Variants in SH3PXD2A observed in about 807,000 individuals in gnomAD.
SH3PXD2A encodes the protein SH3 and PX domain-containing protein 2A.
SH3PXD2A carries 32 observed loss-of-function variants against 115.2 expected under a neutral mutation model. The observed-to-expected ratio is 0.28, with a 90% CI of 0.21 to 0.37. The LOEUF (loss-of-function observed/expected upper bound fraction) is 0.37. SH3PXD2A is among the 10% of genes least tolerant of loss of function. SH3PXD2A has a pLI of 1.00. For missense variants in SH3PXD2A, 1,328 were observed against 1,498.7 expected (o/e 0.89, Z 1.88); for synonymous variants, 610 against 629.1 (o/e 0.97, Z 0.45).
chr10:103,760,711 G>A (rs1332673701), intron 3 of SH3PXD2A, among the ~76,000 whole-genome samples: 1 of 151,786 alleles, frequency 6.6e-6, no homozygotes, highest in African/African-American at 2.4e-5. Flanking sequence ...GAGAGCTGGA[G>A]TAAAAATATG....
chr10:103,650,044 G>A (rs187109856), intron 8 of SH3PXD2A, among the ~76,000 whole-genome samples: 2 of 152,366 alleles, frequency 1.3e-5, no homozygotes, highest in African/African-American at 4.8e-5. Context: ...CTGATCTTGT[G>A]GGGAGAGGAG....
At chr10:103,775,129 T>C (rs2038865617) in intron 2 of SH3PXD2A, among the ~76,000 whole-genome samples, 1 of 152,218 alleles carries the variant, frequency 6.6e-6, no homozygotes, top group South Asian at 2.1e-4. Context: ...ACATGGCTCA[T>C]GCCACGCTGA....
At chr10:103,832,286 T>C (rs1254300612) in intron 1 of SH3PXD2A, among the ~76,000 whole-genome samples, 3 of 151,810 alleles carry the variant, frequency 2.0e-5, no homozygotes, top group African/African-American at 4.8e-5. Flanking sequence ...TAAAAATCAT[T>C]GCACGTGTCT....
At chr10:103,662,043 T>C (rs2037314375) in intron 7 of SH3PXD2A, 1 of 718,724 alleles carries the variant, frequency 1.4e-6, no homozygotes, top group Non-Finnish European at 1.7e-6. Flanking sequence ...GAGGGCCCTC[T>C]GGCTGCAGAG....
intron 7 of SH3PXD2A, chr10:103,661,680 A>AGGAGAGAGCG (rs1475080276): frequency 2.0e-6 from 2 of 984,682 alleles, no homozygotes; most frequent in African/African-American, 3.5e-5. Context: ...GGAGAGGGAG[A>AGGAGAGAGCG]GGAGAGAGCG....
rs1460164121 is a variant in SH3PXD2A at position 103,605,734 on chromosome 10, G to A, written c.1428+64C>T. 30 of 1,606,732 alleles carry A rather than the reference G, an allele frequency of 1.9e-5. No homozygotes were observed. In the East Asian group the frequency reaches 2.7e-4, roughly 14 times the overall value. ...AATCTTACTAGCAAGGCCTAAAATG[G>A]GAAATGCAGTAGGTTTTCCACCACA... is the stretch of plus-strand genomic sequence containing the variant. On this transcript the variant is annotated intron_variant, in intron 14 of 14. Coordinates refer to ENST00000369774, the MANE Select transcript of SH3PXD2A (RefSeq NM_001394015.1).
intron 6 of SH3PXD2A, among the ~76,000 whole-genome samples, chr10:103,688,644 G>A (rs542912045): frequency 7.2e-5 from 11 of 152,288 alleles, no homozygotes; most frequent in Admixed American, 4.6e-4. Flanking sequence ...TGTTTGATGC[G>A]TTTAAGGAGC....
intron 5 of SH3PXD2A, among the ~76,000 whole-genome samples, chr10:103,718,469 A>G (rs1204193703): frequency 1.3e-5 from 2 of 149,230 alleles, no homozygotes; most frequent in African/African-American, 5.0e-5. Flanking sequence ...ACCCCTTATG[A>G]CTGCAGGGCA....
chr10:103,607,185 C>T (rs1212048551), intron 13 of SH3PXD2A, among the ~76,000 whole-genome samples: 5 of 150,448 alleles, frequency 3.3e-5, no homozygotes, highest in African/African-American at 9.8e-5. Flanking sequence ...TCCCCGGCCG[C>T]GACCCCGTCT....
At chr10:103,661,842 C>T (rs913478673) in intron 7 of SH3PXD2A, 3 of 985,244 alleles carry the variant, frequency 3.0e-6, no homozygotes, top group Non-Finnish European at 3.6e-6. Flanking sequence ...GGGGAGGAGG[C>T]CTAGACTGTT....
intron 6 of SH3PXD2A, chr10:103,678,159 A>G (rs1310643508): frequency 7.8e-7 from 1 of 1,289,100 alleles, no homozygotes; most frequent in Non-Finnish European, 1.0e-6. Flanking sequence ...TTCATGTGTA[A>G]TGTCTGGGGG....
intron 2 of SH3PXD2A, among the ~76,000 whole-genome samples, chr10:103,777,873 C>T (rs1244594770): frequency 6.6e-6 from 1 of 152,126 alleles, no homozygotes; most frequent in East Asian, 1.9e-4. Flanking sequence ...AATGCTGGAC[C>T]TGCCTGTCTC....
At chr10:103,793,048 A>G (rs1212024047) in intron 2 of SH3PXD2A, among the ~76,000 whole-genome samples, 1 of 152,202 alleles carries the variant, frequency 6.6e-6, no homozygotes, top group Non-Finnish European at 1.5e-5. Context: ...GGAAAGACAT[A>G]TTTTATTTTT....
intron 8 of SH3PXD2A, among the ~76,000 whole-genome samples, chr10:103,630,226 C>T (rs1049679812): frequency 6.6e-6 from 1 of 152,242 alleles, no homozygotes; most frequent in African/African-American, 2.4e-5. Flanking sequence ...TTGCAAGGGG[C>T]TCTGCCTGGG....
intron 2 of SH3PXD2A, among the ~76,000 whole-genome samples, chr10:103,790,019 G>A (rs1319606391): frequency 2.0e-5 from 3 of 152,200 alleles, no homozygotes; most frequent in African/African-American, 7.2e-5. Context: ...CTGGGATCTA[G>A]AGAGAAGTCT....
At chr10:103,818,832 G>C (rs2039349156) in intron 1 of SH3PXD2A, among the ~76,000 whole-genome samples, 1 of 152,020 alleles carries the variant, frequency 6.6e-6, no homozygotes, top group South Asian at 2.1e-4. Flanking sequence ...ACCTCACTGG[G>C]TCCCCCTCTA....
intron 1 of SH3PXD2A, among the ~76,000 whole-genome samples, chr10:103,826,253 G>C (rs1330094111): frequency 6.6e-5 from 10 of 152,116 alleles, no homozygotes; most frequent in Admixed American, 6.5e-4. Context: ...TTGGGCTCCT[G>C]GCTGGGCATT....
intron 2 of SH3PXD2A, among the ~76,000 whole-genome samples, chr10:103,793,929 G>A (rs1415755275): frequency 6.6e-6 from 1 of 152,208 alleles, no homozygotes; most frequent in East Asian, 1.9e-4. Flanking sequence ...CCAAATGAAA[G>A]CTTATATAAA....
chr10:103,694,334 G>A (rs150373471), intron 5 of SH3PXD2A, among the ~76,000 whole-genome samples: 192 of 152,258 alleles, frequency 1.3e-3, no homozygotes, highest in African/African-American at 4.4e-3. Flanking sequence ...GAGGCAGCAG[G>A]CTCCCAGGGA....
Sources: gnomAD v4.1 joint callset for allele counts (sites outside exome capture counted in the v4.1 genomes callset) on GRCh38, gnomAD v4.1.1 for gene constraint, MANE v1.5 for transcripts, NCBI Gene and HGNC (gene_info 2026-07-23, HGNC 2026-07-21) for gene names.